Variants in UNC13B observed in about 807,000 individuals in gnomAD.
UNC13B encodes the protein unc-13 homolog B, also known as protein unc-13 homolog B.
In UNC13B, 144 loss-of-function variants were observed where a neutral mutation model predicts 211.0. The observed-to-expected ratio is 0.68, with a 90% CI of 0.60 to 0.78. The LOEUF (loss-of-function observed/expected upper bound fraction) is 0.78. Ranked by LOEUF, UNC13B falls within the 30% of genes least tolerant of loss-of-function variation. UNC13B has a pLI of 0.00. For synonymous variants in UNC13B, 709 were observed against 725.8 expected, an observed-to-expected ratio of 0.98 and a Z score of 0.37; for missense variants, 1,777 against 2,002.0, an observed-to-expected ratio of 0.89 and a Z score of 2.14.
At chr9:35,369,476 G>C (rs1409897136) in intron 12 of UNC13B, among the ~76,000 whole-genome samples, 1 of 152,158 alleles carries the variant, frequency 6.6e-6, no homozygotes, top group Non-Finnish European at 1.5e-5. Context: ...TTTCAGTGTA[G>C]TTTCTTTTGG....
Position 35,381,590 on chromosome 9 carries a change from G to C in UNC13B, c.10526G>C (p.Ser3509Thr). The C allele has an allele frequency of 6.2e-7, 1 of 1,614,194 alleles. No homozygotes were observed. Among genetic ancestry groups the C allele is most frequent in the Non-Finnish European group, 8.5e-7 (1 of 1,180,030 alleles). The change falls in exon 20 of 40, where the codon AGT (serine) becomes ACT (threonine). Residue 3509 changes from serine (S) to threonine (T), a missense_variant. By Grantham distance (58) the Ser-to-Thr change is moderately conservative. Coordinates refer to ENST00000635942, the MANE Select transcript of UNC13B (RefSeq NM_001371189.2). Reference sequence around the variant, plus strand: ...CATTACCTCACAGACATTCAGGGCAGTGGAGGAGTCCGCATCCCTGAAGCT... The same window carrying C: ...CATTACCTCACAGACATTCAGGGCACTGGAGGAGTCCGCATCCCTGAAGCT... ...LFHYLTDIQG[S>T]GGVRIPEARG...
chr9:35,294,709 G>A (rs945948085), intron 7 of UNC13B, among the ~76,000 whole-genome samples: 3 of 152,136 alleles, frequency 2.0e-5, no homozygotes, highest in Admixed American at 6.5e-5. Flanking sequence ...AGCCAAATAG[G>A]AACTTGTCAA....
intron 11 of UNC13B, among the ~76,000 whole-genome samples, chr9:35,344,893 T>TTTTG (rs370033757): frequency 1.1e-4 from 17 of 152,286 alleles, no homozygotes; most frequent in Admixed American, 3.9e-4. Context: ...TGTTTTGGGT[T>TTTTG]TTTGTTTGTT....
At chr9:35,337,904 G>C (rs1338742702) in intron 11 of UNC13B, among the ~76,000 whole-genome samples, 4 of 152,180 alleles carry the variant, frequency 2.6e-5, no homozygotes, top group Non-Finnish European at 5.9e-5. Context: ...TCTCCACTTA[G>C]TACAAGAGGT....
chr9:35,178,623 G>T (rs1344678802), intron 1 of UNC13B, among the ~76,000 whole-genome samples: 1 of 151,998 alleles, frequency 6.6e-6, no homozygotes, highest in African/African-American at 2.4e-5. Context: ...TAGGCCAGTG[G>T]CTCACACATG....
At chr9:35,246,907 T>TG (rs994586622) in intron 6 of UNC13B, among the ~76,000 whole-genome samples, 4 of 152,096 alleles carry the variant, frequency 2.6e-5, no homozygotes, top group African/African-American at 4.8e-5. Flanking sequence ...GGTAGCTTGA[T>TG]GGGGGGATGG....
chr9:35,186,612 G>GA (rs1822374271), intron 1 of UNC13B, among the ~76,000 whole-genome samples: 2 of 152,082 alleles, frequency 1.3e-5, no homozygotes, highest in Non-Finnish European at 2.9e-5. Flanking sequence ...AGAGAGAGGG[G>GA]ACTTCCAAGA....
At chr9:35,376,314 A>C in intron 15 of UNC13B, 67 bp downstream of exon 15, 1 of 1,518,318 alleles carries the variant, frequency 6.6e-7, no homozygotes, top group African/African-American at 1.4e-5. Context: ...AGTCTGCAGC[A>C]AAGAGCTGGG....
intron 1 of UNC13B, among the ~76,000 whole-genome samples, chr9:35,167,694 T>TATCCTGCCTC (rs1821113223): frequency 6.6e-6 from 1 of 150,710 alleles, no homozygotes. Context: ...TTCAAGCAAT[T>TATCCTGCCTC]ATCCTGCCTC....
At chr9:35,259,698 C>G (rs887231989) in intron 7 of UNC13B, among the ~76,000 whole-genome samples, 16 of 137,156 alleles carry the variant, frequency 1.2e-4, no homozygotes, top group African/African-American at 4.1e-4. Context: ...CAGTTTCCCT[C>G]AAAACAGCTT....
At chr9:35,185,326 A>C (rs1274143805) in intron 1 of UNC13B, among the ~76,000 whole-genome samples, 5 of 152,206 alleles carry the variant, frequency 3.3e-5, no homozygotes, top group Non-Finnish European at 7.3e-5. Flanking sequence ...GTTGCCTTGC[A>C]CTAGAATAGT....
intron 17 of UNC13B, 123 bp downstream of exon 17, chr9:35,378,559 G>C: frequency 1.6e-6 from 2 of 1,276,670 alleles, no homozygotes; most frequent in Non-Finnish European, 2.2e-6. Flanking sequence ...CTCATTTCTC[G>C]CATGCTTCGT....
intron 1 of UNC13B, among the ~76,000 whole-genome samples, chr9:35,208,134 T>C (rs1823766516): frequency 6.6e-6 from 1 of 152,218 alleles, no homozygotes; most frequent in Admixed American, 6.5e-5. Flanking sequence ...TTTGCCAACT[T>C]GTAAACTCCC....
At chr9:35,321,564 T>C (rs1385259804) in intron 11 of UNC13B, among the ~76,000 whole-genome samples, 6 of 152,226 alleles carry the variant, frequency 3.9e-5, no homozygotes. Flanking sequence ...TCATTGTGCA[T>C]ACATCTGTTT....
intron 1 of UNC13B, among the ~76,000 whole-genome samples, chr9:35,192,383 A>G (rs1281456460): frequency 6.6e-6 from 1 of 152,140 alleles, no homozygotes; most frequent in Non-Finnish European, 1.5e-5. Context: ...ACATTTCCAA[A>G]ATTCTCTGCC....
chr9:35,378,744 A>G (rs1050625801), intron 17 of UNC13B, among the ~76,000 whole-genome samples: 1 of 152,116 alleles, frequency 6.6e-6, no homozygotes, highest in African/African-American at 2.4e-5. Flanking sequence ...AGAACCAGGG[A>G]CTGACTGCCT....
intron 1 of UNC13B, among the ~76,000 whole-genome samples, chr9:35,172,060 G>A (rs536878076): frequency 1.3e-5 from 2 of 151,526 alleles, no homozygotes; most frequent in East Asian, 2.0e-4. Flanking sequence ...TAGAGATGGG[G>A]TCTCACTATG....
At chr9:35,225,300 A>G (rs1213866341) in intron 1 of UNC13B, among the ~76,000 whole-genome samples, 2 of 152,042 alleles carry the variant, frequency 1.3e-5, no homozygotes, top group Admixed American at 1.3e-4. Flanking sequence ...AGCTAGGATG[A>G]CAGGCATGTG....
chr9:35,257,356 T>C (rs1286169968), intron 6 of UNC13B, among the ~76,000 whole-genome samples: 1 of 3,600 alleles, frequency 2.8e-4, no homozygotes, highest in Non-Finnish European at 1.4e-3. Context: ...TAAAAATATT[T>C]ATATAAATAT....
Sources: allele counts gnomAD v4.1 joint callset (sites outside exome capture counted in the v4.1 genomes callset), GRCh38; gene constraint gnomAD v4.1.1; transcripts MANE v1.5; gene names NCBI Gene and HGNC (gene_info 2026-07-23, HGNC 2026-07-21).